RNF17: variants seen among roughly 807,000 people sequenced by gnomAD.
RNF17 encodes the protein ring finger protein 17.
A neutral mutation model predicts 200.5 loss-of-function variants in RNF17; 31 were observed. The observed-to-expected ratio is 0.15, with a 90% CI of 0.12 to 0.21. The LOEUF (loss-of-function observed/expected upper bound fraction) is 0.21, where lower values mean the gene tolerates loss of function less well. Among genes scored for constraint, RNF17 ranks in the 10% least tolerant of loss-of-function variants. The pLI, the probability that RNF17 is intolerant of heterozygous loss-of-function variation, is 1.00. For synonymous variants in RNF17, 606 were observed against 637.8 expected (o/e 0.95, Z 0.75); for missense variants, 1,628 against 1,905.1 (o/e 0.85, Z 2.71).
chr13:24,756,148 A>T, the RNF17 span, among the ~76,000 whole-genome samples: 1 of 152,112 alleles, frequency 6.6e-6, no homozygotes, highest in African/African-American at 2.4e-5. Context: ...CATACTTTTG[A>T]TTGGTAAAGT....
At chr13:24,789,196 A>G (rs1170863815) in intron 7 of RNF17, 152 bp from the exon 8 acceptor site, 2 of 549,214 alleles carry the variant, frequency 3.6e-6, no homozygotes, top group Non-Finnish European at 6.7e-6. Flanking sequence ...AGTCATAAAC[A>G]CTTATTTGTA....
At chr13:24,756,762 A>G in the RNF17 span, among the ~76,000 whole-genome samples, 1 of 152,180 alleles carries the variant, frequency 6.6e-6, no homozygotes, top group African/African-American at 2.4e-5. Flanking sequence ...CTAGAAAACT[A>G]TTTCCTGATA....
At chr13:24,879,504 G>A (rs527405653) in intron 35 of RNF17, among the ~76,000 whole-genome samples, 22 of 152,308 alleles carry the variant, frequency 1.4e-4, no homozygotes, top group African/African-American at 5.3e-4. Context: ...GGGCTGTCAT[G>A]ACTCTGACAG....
At chr13:24,803,107 G>A (rs897234635) in intron 14 of RNF17, among the ~76,000 whole-genome samples, 1 of 144,772 alleles carries the variant, frequency 6.9e-6, no homozygotes, top group African/African-American at 2.6e-5. Context: ...AAAATATAAA[G>A]TATGTATAAA....
intron 15 of RNF17, among the ~76,000 whole-genome samples, chr13:24,813,819 T>A (rs1887058472): frequency 8.6e-6 from 1 of 116,472 alleles, no homozygotes; most frequent in African/African-American, 3.3e-5. Flanking sequence ...TTTTTTTTTT[T>A]TTTTTTTTTT....
At chr13:24,828,791 AT>A (rs879587907) in intron 16 of RNF17, among the ~76,000 whole-genome samples, 301 of 142,006 alleles carry the variant, frequency 2.1e-3, no homozygotes, top group African/African-American at 2.9e-3. Context: ...TGTTAGTTTG[AT>A]TTTTTTTTTT....
chr13:24,851,830 A>T (rs559184289), intron 24 of RNF17, among the ~76,000 whole-genome samples: 1 of 152,310 alleles, frequency 6.6e-6, no homozygotes, highest in African/African-American at 2.4e-5. Context: ...TTTGACATTT[A>T]CACTGTAAAC....
rs564963833 is a variant in RNF17, at chr13:24,804,264, G to A, written c.1950-24G>A. ...GGTGACAGGGTGAGACCCTGCTTAC[G>A]CTTTTCATTATGCTTTTAATTAGGT... On this transcript the variant is annotated intron_variant, in intron 14 of 35. Transcript: ENST00000255324. 170 of 1,603,776 alleles carry A rather than the reference G, an allele frequency of 1.1e-4. No homozygotes were observed. The South Asian group carries it at 1.4e-3, about 14-fold the overall frequency.
chr13:24,800,443 G>A lies in RNF17; in HGVS notation c.1667G>A (p.Arg556Lys). Residue 556 changes from arginine to lysine, a missense_variant, in exon 13 of 36, where the codon AGG becomes AAG. Physicochemically the swap from Arg to Lys is conservative, Grantham distance 26 (BLOSUM62 2). Around this residue, in one of 5 missense-constraint regions of RNF17, gnomAD observed 289 missense variants for 384.9 expected, o/e 0.75. Coordinates refer to ENST00000255324, the MANE Select transcript of RNF17 (RefSeq NM_031277.3). The stretch of plus-strand genomic sequence containing the variant: ...CTAAATGATTTATGTCTGGTTCTAA[G>A]GAAATCTGAACCATATACTGAAGGG... ...IALNDLCLVL[R>K]KSEPYTEGLL... is the part of the protein sequence containing the mutation. 1.9e-6 allele frequency: 3 copies of A among 1,612,862 alleles called. No individual in the cohort carries two copies. Among genetic ancestry groups the A allele is most frequent in the Non-Finnish European group, 2.5e-6 (3 of 1,179,134 alleles).
intron 31 of RNF17, 108 bp downstream of exon 31, chr13:24,868,824 G>A (rs528341725): frequency 4.3e-6 from 3 of 696,444 alleles, no homozygotes; most frequent in South Asian, 1.7e-5. Flanking sequence ...TTCAAATGTT[G>A]CAAATTCGTG....
At chr13:24,821,760 G>A (rs1395395307) in intron 15 of RNF17, among the ~76,000 whole-genome samples, 1 of 151,830 alleles carries the variant, frequency 6.6e-6, no homozygotes, top group East Asian at 1.9e-4. Flanking sequence ...TTAGTTCTTT[G>A]TTTTCCCTTA....
chr13:24,869,825 T>A (rs913860066), intron 31 of RNF17, among the ~76,000 whole-genome samples: 4 of 151,864 alleles, frequency 2.6e-5, no homozygotes, highest in Admixed American at 2.6e-4. Flanking sequence ...GAGAGTGCAG[T>A]GACATAAACA....
At chr13:24,816,974 C>T (rs373753107) in intron 15 of RNF17, among the ~76,000 whole-genome samples, 3 of 152,054 alleles carry the variant, frequency 2.0e-5, no homozygotes, top group African/African-American at 7.2e-5. Context: ...GAGAGAGACC[C>T]GAAGACCAAG....
chr13:24,799,963 AG>A (rs1381619388), intron 12 of RNF17, among the ~76,000 whole-genome samples: 1 of 152,182 alleles, frequency 6.6e-6, no homozygotes, highest in African/African-American at 2.4e-5. Flanking sequence ...AACTCACTGT[AG>A]GTATTTTAAA....
chr13:24,884,227 C>A, downstream of RNF17: 1 of 1,614,098 alleles, frequency 6.2e-7, no homozygotes. Flanking sequence ...GTGGTCTGGG[C>A]AGCTGCATAG....
chr13:24,787,230 A>T (rs528012449), intron 6 of RNF17, among the ~76,000 whole-genome samples: 1 of 151,768 alleles, frequency 6.6e-6, no homozygotes, highest in Non-Finnish European at 1.5e-5. Flanking sequence ...CATTTTTCTG[A>T]TTATTCTCTA....
At chr13:24,841,144 C>A (rs944479211) in intron 18 of RNF17, among the ~76,000 whole-genome samples, 1 of 152,168 alleles carries the variant, frequency 6.6e-6, no homozygotes, top group East Asian at 1.9e-4. Context: ...TAAATAGACA[C>A]ATGAGACACA....
In RNF17 at chr13:24,779,674, A is replaced by G. The variant is rs1483604402; in HGVS notation, c.437A>G (p.Asn146Ser). The G allele has an allele frequency of 3.7e-6, 6 of 1,611,358 alleles. No individual in the cohort carries two copies. The highest frequency in any genetic ancestry group is 5.1e-6 in the Non-Finnish European group (6 of 1,177,890). The change falls in exon 5 of 36, where the codon AAT (asparagine) becomes AGT (serine). Residue 146 changes from asparagine (N) to serine (S), a missense_variant. Physicochemically the swap from Asn to Ser is conservative, Grantham distance 46. Around this residue, in one of 5 missense-constraint regions of RNF17, gnomAD observed 502 missense variants for 501.7 expected, o/e 1.00. Transcript: ENST00000255324. ...ATTTCCCTCCCTTCTTAGGACACTA[A>G]TACTGCAGAAGAAATTGATGAAGCA... Reference protein sequence around the residue: ...LNSSAVMLDTNTAEEIDEALN... With the variant: ...LNSSAVMLDTSTAEEIDEALN...
the RNF17 span, chr13:24,886,496 A>G: frequency 1.9e-6 from 1 of 529,480 alleles, no homozygotes. Flanking sequence ...TAGATCCAGA[A>G]AATAACATCA....
Sources: allele counts gnomAD v4.1 joint callset (sites outside exome capture counted in the v4.1 genomes callset), GRCh38; gene constraint gnomAD v4.1.1; regional missense constraint gnomAD v4.1.1; transcripts MANE v1.5; gene names NCBI Gene and HGNC (gene_info 2026-07-23, HGNC 2026-07-21).